Variants in STX17 observed in about 807,000 individuals in gnomAD.
STX17 encodes the protein syntaxin-17.
STX17 carries 29 observed loss-of-function variants against 35.9 expected under a neutral mutation model. The observed-to-expected ratio is 0.81, with a 90% CI of 0.60 to 1.10. The LOEUF is 1.10. Ranked by LOEUF, STX17 falls within the 50% of genes least tolerant of loss-of-function variation. STX17 has a pLI of 0.00. For synonymous variants in STX17, 92 were observed against 118.3 expected (o/e 0.78, Z 1.44); for missense variants, 312 against 352.3 (o/e 0.89, Z 0.92).
intron 3 of STX17, among the ~76,000 whole-genome samples, chr9:99,936,642 T>C (rs1829241979): frequency 6.6e-6 from 1 of 152,192 alleles, no homozygotes; most frequent in Non-Finnish European, 1.5e-5. Flanking sequence ...GTACATCTTA[T>C]CACAGTTTAT....
chr9:99,911,505 C>T (rs1454994677), intron 1 of STX17, among the ~76,000 whole-genome samples: 3 of 151,996 alleles, frequency 2.0e-5, no homozygotes, highest in African/African-American at 7.2e-5. Context: ...ATTTTTTTTC[C>T]TTTGGATAAA....
chr9:99,945,666 T>G (rs1829466545), intron 3 of STX17: 14 of 312,890 alleles, frequency 4.5e-5, no homozygotes, highest in South Asian at 3.6e-4. Context: ...CATATTTACT[T>G]TCTTTTGTAT....
intron 3 of STX17, among the ~76,000 whole-genome samples, chr9:99,943,524 G>A (rs757096354): frequency 3.9e-5 from 6 of 152,150 alleles, no homozygotes; most frequent in Non-Finnish European, 5.9e-5. Context: ...GGCCAGGCTG[G>A]TCTCGAACTC....
intron 1 of STX17, chr9:99,907,230 G>C (rs1828569528): frequency 6.6e-6 from 1 of 152,222 alleles, no homozygotes; most frequent in Non-Finnish European, 1.5e-5. Flanking sequence ...CCCACACCTT[G>C]GCTCCCTCCT....
intron 6 of STX17, among the ~76,000 whole-genome samples, chr9:99,966,484 A>G (rs1222734475): frequency 9.2e-5 from 14 of 152,212 alleles, no homozygotes. Flanking sequence ...TGTCTGCCTC[A>G]ATATAAATGA....
At chr9:99,952,589 A>T (rs1587935172) in intron 4 of STX17, among the ~76,000 whole-genome samples, 1 of 152,196 alleles carries the variant, frequency 6.6e-6, no homozygotes, top group South Asian at 2.1e-4. Flanking sequence ...ACGTATGTTT[A>T]TTGTGGCAGT....
intron 3 of STX17, among the ~76,000 whole-genome samples, chr9:99,948,412 G>A (rs144843019): frequency 1.3e-4 from 19 of 151,620 alleles, no homozygotes; most frequent in Non-Finnish European, 2.2e-4. Flanking sequence ...TACATATGTG[G>A]CTTGTGTGTG....
rs566009377 is a variant in STX17, at chr9:99,926,409, A to G, written c.124-2369A>G. On this transcript the variant is annotated intron_variant, in intron 2 of 7. Transcript: ENST00000259400. ...TACCAGACATTGTGAAATTTACTTT[A>G]TTGGGTACTGAATATTTTTTAATTT... is the stretch of plus-strand genomic sequence containing the variant. 3.3e-5 allele frequency among the ~76,000 whole-genome samples: 5 copies of G among 152,018 alleles called. No individual in the cohort carries two copies. In the East Asian group the frequency reaches 9.7e-4, roughly 29 times the overall value.
chr9:99,914,917 T>C (rs887467717), intron 1 of STX17, among the ~76,000 whole-genome samples: 3 of 152,156 alleles, frequency 2.0e-5, no homozygotes, highest in Admixed American at 2.0e-4. Context: ...TTGTACTCTT[T>C]GTAAAAGGTG....
chr9:99,926,322 G>A (rs1828984969), intron 2 of STX17, among the ~76,000 whole-genome samples: 1 of 151,538 alleles, frequency 6.6e-6, no homozygotes, highest in African/African-American at 2.4e-5. Flanking sequence ...CTGTTGATTG[G>A]TTTTTCTCAT....
intron 4 of STX17, 87 bp downstream of exon 4, chr9:99,951,372 T>TCA: frequency 8.1e-7 from 1 of 1,232,914 alleles, no homozygotes; most frequent in Non-Finnish European, 1.2e-6. Context: ...GAATTATCTA[T>TCA]AGGTCTTCAG....
chr9:99,938,412 A>C (rs1014822499), intron 3 of STX17, among the ~76,000 whole-genome samples: 1 of 152,210 alleles, frequency 6.6e-6, no homozygotes, highest in Non-Finnish European at 1.5e-5. Flanking sequence ...TTTTGTGATC[A>C]AAATTTGAAA....
intron 3 of STX17, among the ~76,000 whole-genome samples, chr9:99,945,408 A>G (rs541825108): frequency 2.0e-3 from 310 of 152,246 alleles, no homozygotes; most frequent in African/African-American, 7.0e-3. Context: ...ATATTGCCGC[A>G]GCAGGTTTTC....
intron 2 of STX17, among the ~76,000 whole-genome samples, chr9:99,926,120 T>A (rs550866128): frequency 3.2e-4 from 49 of 152,156 alleles, no homozygotes; most frequent in South Asian, 1.0e-3. Context: ...TCCCATCTAG[T>A]GCATTTTTTA....
chr9:99,952,544 G>T (rs936271824), intron 4 of STX17, among the ~76,000 whole-genome samples: 66 of 152,230 alleles, frequency 4.3e-4, no homozygotes, highest in African/African-American at 1.5e-3. Flanking sequence ...ATACCCAAAG[G>T]ACTATAAATC....
At chr9:99,931,937 C>T (rs972749670) in intron 3 of STX17, among the ~76,000 whole-genome samples, 1 of 152,058 alleles carries the variant, frequency 6.6e-6, no homozygotes, top group Admixed American at 6.5e-5. Flanking sequence ...GATTGCTTGT[C>T]TTCTGGTGGA....
In STX17 at chr9:99,969,907, T is replaced by C. The variant is rs1188888714; in HGVS notation, c.*1234T>C. 6.6e-6 allele frequency: 1 copy of C among 152,630 alleles called. No individual in the cohort carries two copies. The highest frequency in any genetic ancestry group is 1.5e-5 in the Non-Finnish European group (1 of 68,088). The allele number at this position is 152,630 out of a possible 1,614,324, so 9.5% of individuals were successfully genotyped here. ...GACTCAGACCCGGGGAATGGTGTGG[T>C]GCTAATCTCAACACCTGACATTCAC... On this transcript the variant is annotated 3_prime_UTR_variant, in exon 8 of 8. Coordinates refer to ENST00000259400, the MANE Select transcript of STX17 (RefSeq NM_017919.3).
chr9:99,912,057 T>G (rs2118292770), intron 1 of STX17, among the ~76,000 whole-genome samples: 1 of 152,164 alleles, frequency 6.6e-6, no homozygotes, highest in African/African-American at 2.4e-5. Flanking sequence ...CAAAATCCCG[T>G]CTCTACTAAA....
At chr9:99,951,574 G>T (rs1489726731) in intron 4 of STX17, among the ~76,000 whole-genome samples, 1 of 151,962 alleles carries the variant, frequency 6.6e-6, no homozygotes, top group Non-Finnish European at 1.5e-5. Context: ...TGTCATTCTT[G>T]TCTGCAAAGT....
Sources: allele counts gnomAD v4.1 joint callset (sites outside exome capture counted in the v4.1 genomes callset), GRCh38; gene constraint gnomAD v4.1.1; transcripts MANE v1.5; gene names NCBI Gene and HGNC (gene_info 2026-07-23, HGNC 2026-07-21).